Variants in PIPOX observed in about 807,000 individuals in gnomAD.
The protein encoded by PIPOX is peroxisomal sarcosine oxidase.
A neutral mutation model predicts 47.9 loss-of-function variants in PIPOX; 45 were observed. The observed-to-expected ratio is 0.94, with a 90% CI of 0.74 to 1.20. The LOEUF is 1.20. Among genes scored for constraint, PIPOX ranks in the 50% most tolerant of loss-of-function variants. PIPOX has a pLI of 0.00. For missense variants in PIPOX, 458 were observed against 498.4 expected, an observed-to-expected ratio of 0.92 and a Z score of 0.77; for synonymous variants, 165 against 191.3, an observed-to-expected ratio of 0.86 and a Z score of 1.13.
At position 29,043,291 on chromosome 17, in the gene PIPOX, T is replaced by G. The variant is rs764835249; in HGVS notation, c.66T>G (p.Thr22=). The part of the protein sequence containing the change: ...VIGAGIQGCF[T]AYHLAKHRKR... Reference sequence around the variant, plus strand: ...GGGCGGGGATCCAGGGCTGCTTCACTGCATACCACCTGGCCAAACACAGGA... The same window carrying G: ...GGGCGGGGATCCAGGGCTGCTTCACGGCATACCACCTGGCCAAACACAGGA... Residue 22 remains threonine (T), a synonymous_variant, in exon 1 of 8, where the codon ACT becomes ACG. Coordinates refer to ENST00000323372, the MANE Select transcript of PIPOX (RefSeq NM_016518.3). 1 of 1,613,788 alleles carries G rather than the reference T, an allele frequency of 6.2e-7. No individual in the cohort carries two copies. Among genetic ancestry groups the G allele is most frequent in the African/African-American group, 1.3e-5 (1 of 74,904 alleles).
chr17:29,053,168 TC>T (rs1363821953), intron 3 of PIPOX, 35 bp downstream of exon 3: 6 of 1,579,928 alleles, frequency 3.8e-6, no homozygotes, highest in Non-Finnish European at 5.2e-6. Flanking sequence ...ATGCAGGTGC[TC>T]CCTGCTCTGG....
At chr17:29,043,398 GA>G (rs2065774076) in intron 1 of PIPOX, 59 bp downstream of exon 1, 1 of 1,295,816 alleles carries the variant, frequency 7.7e-7, no homozygotes. Context: ...CTCCCCTGCA[GA>G]AGGGTTTTCA....
intron 2 of PIPOX, among the ~76,000 whole-genome samples, chr17:29,051,683 G>A (rs543369651): frequency 6.6e-6 from 1 of 152,334 alleles, no homozygotes; most frequent in African/African-American, 2.4e-5. Context: ...CCCTTAGGGA[G>A]TAAAAGCATA....
chr17:29,045,350 A>G (rs542493131), intron 2 of PIPOX, among the ~76,000 whole-genome samples: 2 of 145,954 alleles, frequency 1.4e-5, no homozygotes, highest in Non-Finnish European at 3.0e-5. Context: ...GGCCTCTGCA[A>G]CTCTTTTAGG....
intron 2 of PIPOX, among the ~76,000 whole-genome samples, chr17:29,049,918 A>C (rs2152698517): frequency 6.6e-6 from 1 of 152,314 alleles, no homozygotes; most frequent in Non-Finnish European, 1.5e-5. Context: ...AGCTGGAGCA[A>C]AATGATTACA....
At chr17:29,049,233 C>T (rs2065796596) in intron 2 of PIPOX, among the ~76,000 whole-genome samples, 1 of 152,188 alleles carries the variant, frequency 6.6e-6, no homozygotes, top group African/African-American at 2.4e-5. Flanking sequence ...GAGGTGGGAG[C>T]TGCACTCTTT....
chr17:29,052,853 G>A (rs993859311), intron 2 of PIPOX, 67 bp from the exon 3 acceptor site: 22 of 1,376,530 alleles, frequency 1.6e-5, no homozygotes, highest in Middle Eastern at 1.8e-4. Flanking sequence ...GATTACAGGC[G>A]TGAGTCGTCA....
chr17:29,043,235 C>T lies in PIPOX; in HGVS notation c.10C>T (p.Gln4Ter), dbSNP rs2065773153. Residue 4 changes from glutamine to a stop codon, truncating the protein, a stop_gained, in exon 1 of 8, where the codon CAG becomes TAG. Transcript: ENST00000323372. LOFTEE classifies it high-confidence loss of function. MAA[Q>*]KDLWDAIVIG... is the part of the protein sequence containing the mutation. ...GGGGCTGAGTGGCATCATGGCGGCT[C>T]AGAAAGATCTCTGGGACGCCATTGT... is the stretch of plus-strand genomic sequence containing the variant. 2 of 1,612,694 alleles carry T rather than the reference C, an allele frequency of 1.2e-6. No homozygotes were observed. The highest frequency in any genetic ancestry group is 1.7e-6 in the Non-Finnish European group (2 of 1,179,164).
In PIPOX at chr17:29,055,818, C is replaced by A; in HGVS notation, c.972C>A (p.Thr324=). ...GTGTGACTGTTTCTTTCTAGAATAC[C>A]CCTGATGAGCAGTTCATTCTCGATC... ...AVIESCMYTN[T]PDEQFILDRH... The change falls in exon 7 of 8, where the codon ACC becomes ACA. Residue 324 remains threonine (T), a synonymous_variant. Transcript: ENST00000323372. The A allele has an allele frequency of 6.2e-7, 1 of 1,613,498 alleles. No individual in the cohort carries two copies. Among genetic ancestry groups the A allele is most frequent in the Non-Finnish European group, 8.5e-7 (1 of 1,179,460 alleles).
intron 2 of PIPOX, chr17:29,046,809 G>A (rs960033174): frequency 8.4e-6 from 8 of 949,700 alleles, no homozygotes; most frequent in African/African-American, 5.3e-5. Flanking sequence ...GCTCTGACAC[G>A]CTCAGCTGTG....
intron 7 of PIPOX, 82 bp from the exon 8 acceptor site, chr17:29,056,093 C>A: frequency 6.4e-7 from 1 of 1,555,646 alleles, no homozygotes; most frequent in Non-Finnish European, 8.8e-7. Context: ...GACAGTCAGC[C>A]CTGTCTGGGT....
chr17:29,049,859 A>G (rs1050991816), intron 2 of PIPOX, among the ~76,000 whole-genome samples: 1 of 152,164 alleles, frequency 6.6e-6, no homozygotes, highest in Non-Finnish European at 1.5e-5. Flanking sequence ...AAAATTTCCC[A>G]CTGTTATATC....
intron 5 of PIPOX, 29 bp downstream of exon 5, chr17:29,054,720 T>TA (rs770791207): frequency 1.9e-6 from 3 of 1,608,330 alleles, no homozygotes; most frequent in Non-Finnish European, 2.6e-6. Context: ...ATAAGGCAGG[T>TA]AGATGCCAGT....
intron 2 of PIPOX, among the ~76,000 whole-genome samples, chr17:29,051,249 G>A (rs900556659): frequency 3.9e-5 from 6 of 152,226 alleles, no homozygotes; most frequent in African/African-American, 1.4e-4. Context: ...CCTCTGTTGA[G>A]CTTCGAAGAG....
chr17:29,056,385 C>A lies in PIPOX; in HGVS notation c.*80C>A. On this transcript the variant is annotated 3_prime_UTR_variant, in exon 8 of 8. Coordinates refer to ENST00000323372, the MANE Select transcript of PIPOX (RefSeq NM_016518.3). ...AGATGTCTCAGATGAAGGGAGTGTC[C>A]CTGAGATATCATCCTTTTCTTCTGC... 6.6e-7 allele frequency: 1 copy of A among 1,509,750 alleles called. No homozygotes were observed. Among genetic ancestry groups the A allele is most frequent in the Non-Finnish European group, 9.2e-7 (1 of 1,092,300 alleles). 93.5% of individuals were successfully genotyped at this position (1,509,750 alleles called of 1,614,324 possible). A position where few individuals can be genotyped will look rare whatever the true frequency, so the allele number is the denominator to read the frequency against.
chr17:29,051,655 A>G (rs2152698679), intron 2 of PIPOX, among the ~76,000 whole-genome samples: 1 of 152,288 alleles, frequency 6.6e-6, no homozygotes, highest in African/African-American at 2.4e-5. Flanking sequence ...GAAGCATGAA[A>G]GAGAAACAGC....
At chr17:29,043,423 A>G (rs72815750) in intron 1 of PIPOX, 84 bp downstream of exon 1, 30,133 of 952,668 alleles carry the variant, frequency 0.032, 590 homozygotes, top group Middle Eastern at 0.042. Flanking sequence ...CCAGCAGGCT[A>G]CAGGGCAAGG....
At chr17:29,049,544 T>C (rs116895864) in intron 2 of PIPOX, among the ~76,000 whole-genome samples, 7 of 152,322 alleles carry the variant, frequency 4.6e-5, no homozygotes, top group Non-Finnish European at 7.4e-5. Flanking sequence ...ATCTTCATAC[T>C]GGGAGGAAAA....
intron 6 of PIPOX, 142 bp downstream of exon 6, chr17:29,055,363 G>A: frequency 1.1e-6 from 1 of 949,814 alleles, no homozygotes; most frequent in Non-Finnish European, 1.6e-6. Flanking sequence ...ATTTCTGTGG[G>A]TAGGTTCACC....
Sources: gnomAD v4.1 joint callset for allele counts (sites outside exome capture counted in the v4.1 genomes callset) on GRCh38, gnomAD v4.1.1 for gene constraint, MANE v1.5 for transcripts, NCBI Gene and HGNC (gene_info 2026-07-23, HGNC 2026-07-21) for gene names.